IQSEC1: variants seen among roughly 807,000 people sequenced by gnomAD.
IQSEC1 encodes the protein IQ motif and SEC7 domain-containing protein 1.
A neutral mutation model predicts 91.0 loss-of-function variants in IQSEC1; 31 were observed. The ratio of observed to expected loss-of-function variants is 0.34; its 90% CI spans 0.26 to 0.46. The LOEUF is 0.46. Among genes scored for constraint, IQSEC1 ranks in the 20% least tolerant of loss-of-function variants. The probability of loss-of-function intolerance (pLI) is 1.00; values close to 1 mark genes in which losing one functional copy is unlikely to be tolerated. For missense variants in IQSEC1, 1,388 were observed against 1,575.6 expected (o/e 0.88, Z 2.02); for synonymous variants, 699 against 662.6 (o/e 1.05, Z -0.84).
At chr3:12,989,234 GTAACCCC>G (rs1701881095) in intron 1 of IQSEC1, among the ~76,000 whole-genome samples, 1 of 152,232 alleles carries the variant, frequency 6.6e-6, no homozygotes, top group Non-Finnish European at 1.5e-5. Flanking sequence ...TGCTCCAGTG[GTAACCCC>G]AGCACCAAAC....
chr3:13,197,100 T>C (rs114645581), intron 1 of IQSEC1, among the ~76,000 whole-genome samples: 2,227 of 152,136 alleles, frequency 0.015, 47 homozygotes, highest in African/African-American at 0.049. Flanking sequence ...AGCAAGGACA[T>C]CAAAGGCTAC....
At chr3:13,171,981 C>T (rs1693624591) in intron 1 of IQSEC1, among the ~76,000 whole-genome samples, 1 of 152,202 alleles carries the variant, frequency 6.6e-6, no homozygotes. Flanking sequence ...AACACATCCA[C>T]ACTCCCCCAG....
chr3:13,024,468 T>C (rs1305158033), intron 1 of IQSEC1, among the ~76,000 whole-genome samples: 1 of 146,878 alleles, frequency 6.8e-6, no homozygotes, highest in Non-Finnish European at 1.5e-5. Flanking sequence ...TGTCCATCCA[T>C]CCACCCATCC....
At chr3:13,009,002 G>C (rs1364657261) in intron 1 of IQSEC1, among the ~76,000 whole-genome samples, 2 of 152,186 alleles carry the variant, frequency 1.3e-5, no homozygotes, top group African/African-American at 4.8e-5. Context: ...TGCAGAGCTG[G>C]GTCTTGGCCT....
At chr3:12,999,490 G>T (rs933950461) in intron 1 of IQSEC1, among the ~76,000 whole-genome samples, 1 of 152,134 alleles carries the variant, frequency 6.6e-6, no homozygotes, top group Non-Finnish European at 1.5e-5. Context: ...CAATGGTCTC[G>T]TCTGTCTGGG....
chr3:13,012,964 C>CTTTTTTCTT (rs1702953399), intron 1 of IQSEC1, among the ~76,000 whole-genome samples: 1 of 97,544 alleles, frequency 1.0e-5, no homozygotes, highest in Non-Finnish European at 1.9e-5. Flanking sequence ...AAAGTCTGGG[C>CTTTTTTCTT]TTTTTTTTTT....
chr3:13,022,068 A>C (rs1421459637), intron 1 of IQSEC1: 2 of 1,231,652 alleles, frequency 1.6e-6, no homozygotes, highest in African/African-American at 3.1e-5. Flanking sequence ...ACTTCCACAT[A>C]AGGCTCCACA....
chr3:12,961,455 G>A (rs1700237125), intron 1 of IQSEC1, among the ~76,000 whole-genome samples: 1 of 152,128 alleles, frequency 6.6e-6, no homozygotes, highest in African/African-American at 2.4e-5. Flanking sequence ...CTTCTTTGTG[G>A]GCTGTTTGGA....
chr3:13,068,625 C>CT (rs1705316036), intron 1 of IQSEC1, among the ~76,000 whole-genome samples: 1 of 152,214 alleles, frequency 6.6e-6, no homozygotes, highest in Non-Finnish European at 1.5e-5. Context: ...GCCCCAGCCC[C>CT]TTTACCTCTC....
At chr3:13,035,700 AACC>A in intron 1 of IQSEC1, among the ~76,000 whole-genome samples, 1 of 152,294 alleles carries the variant, frequency 6.6e-6, no homozygotes, top group East Asian at 1.9e-4. Context: ...GCTCTGCCAG[AACC>A]CTGCCACTCC....
chr3:13,120,021 G>A (rs1253782636), intron 2 of IQSEC1, among the ~76,000 whole-genome samples: 3 of 152,178 alleles, frequency 2.0e-5, no homozygotes, highest in African/African-American at 7.2e-5. Context: ...CGCCTGGGCA[G>A]GCTTAGAAAG....
intron 1 of IQSEC1, among the ~76,000 whole-genome samples, chr3:12,943,771 G>A (rs1435204980): frequency 6.6e-6 from 1 of 152,252 alleles, no homozygotes; most frequent in Non-Finnish European, 1.5e-5. Flanking sequence ...CTGGAGTGGG[G>A]GCCCCAGCAG....
At chr3:13,063,748 G>A (rs1705146206) in intron 1 of IQSEC1, among the ~76,000 whole-genome samples, 1 of 152,230 alleles carries the variant, frequency 6.6e-6, no homozygotes, top group Non-Finnish European at 1.5e-5. Flanking sequence ...TCTGGGGTGA[G>A]GGGCCGGCCC....
chr3:13,242,312 G>A (rs550984420), intron 1 of IQSEC1, among the ~76,000 whole-genome samples: 1 of 152,318 alleles, frequency 6.6e-6, no homozygotes, highest in East Asian at 1.9e-4. Context: ...CTGTCACTGC[G>A]AAGGTGACCC....
At chr3:13,153,712 T>C (rs2124965269) in intron 2 of IQSEC1, among the ~76,000 whole-genome samples, 1 of 152,278 alleles carries the variant, frequency 6.6e-6, no homozygotes, top group Non-Finnish European at 1.5e-5. Context: ...GCTGTGCGTG[T>C]CTTTCCTTTG....
At chr3:13,048,707 T>G (rs781599036) in intron 1 of IQSEC1, among the ~76,000 whole-genome samples, 3 of 152,248 alleles carry the variant, frequency 2.0e-5, no homozygotes, top group Admixed American at 6.5e-5. Flanking sequence ...TGGCCTGTGA[T>G]TCCGCTACTT....
intron 1 of IQSEC1, among the ~76,000 whole-genome samples, chr3:13,170,738 T>C (rs1693590943): frequency 6.6e-6 from 1 of 152,218 alleles, no homozygotes; most frequent in South Asian, 2.1e-4. Context: ...CAGCCAGCTA[T>C]TAGGCAATGC....
At chr3:12,939,158 ACTCAGCGGAGGGAAGACG>A (rs3836370) in intron 2 of IQSEC1, among the ~76,000 whole-genome samples, 32 of 152,146 alleles carry the variant, frequency 2.1e-4, no homozygotes, top group Admixed American at 6.5e-4. Flanking sequence ...AGGACAAGAC[ACTCAGCGGAGGGAAGACG>A]CTCAGCGGAG....
At chr3:13,142,960 G>A (rs570732186) in intron 2 of IQSEC1, among the ~76,000 whole-genome samples, 1 of 152,130 alleles carries the variant, frequency 6.6e-6, no homozygotes, top group Non-Finnish European at 1.5e-5. Flanking sequence ...GTGCCACATG[G>A]TCCTTCATTT....
Sources: gnomAD v4.1 joint callset for allele counts (sites outside exome capture counted in the v4.1 genomes callset) on GRCh38, gnomAD v4.1.1 for gene constraint, MANE v1.5 for transcripts, NCBI Gene and HGNC (gene_info 2026-07-23, HGNC 2026-07-21) for gene names.